Variants in FER1L6 observed in about 807,000 individuals in gnomAD.
The protein encoded by FER1L6 is fer-1 like family member 6.
Under a neutral mutation model 219.2 loss-of-function variants are expected in FER1L6, and 177 were observed. The ratio of observed to expected loss-of-function variants is 0.81; its 90% confidence interval spans 0.71 to 0.91. The LOEUF is 0.91. FER1L6 is among the 40% of genes least tolerant of loss of function. The probability of loss-of-function intolerance (pLI) is 0.00; values close to 1 mark genes in which losing one functional copy is unlikely to be tolerated. For missense variants in FER1L6, 2,153 were observed against 2,259.9 expected (o/e 0.95, Z 0.96); for synonymous variants, 768 against 824.3 (o/e 0.93, Z 1.17).
intron 1 of FER1L6, among the ~76,000 whole-genome samples, chr8:123,927,427 C>A (rs1289761808): frequency 6.6e-6 from 1 of 152,142 alleles, no homozygotes; most frequent in East Asian, 1.9e-4. Flanking sequence ...TCTGTGCTGA[C>A]CCTTTGGGAA....
In FER1L6 at chr8:124,097,871, T is replaced by C. The variant is rs1822376203; in HGVS notation, c.4871T>C (p.Ile1624Thr). ...NIFTGQKSSD[I>T]YVKGWLKGLE... is the part of the protein sequence containing the mutation. ...TTCACAGGCCAAAAATCAAGTGATA[T>C]TTATGTGAAAGGGTAAGGTTATCAA... The change falls in exon 37 of 41, where the codon ATT becomes ACT. Residue 1624 changes from isoleucine (I) to threonine (T), a missense_variant. Coordinates refer to ENST00000522917, the MANE Select transcript of FER1L6 (RefSeq NM_001039112.2). 5 of 1,568,420 alleles carry C rather than the reference T, an allele frequency of 3.2e-6. No individual in the cohort carries two copies. Among genetic ancestry groups the C allele is most frequent in the Non-Finnish European group, 4.4e-6 (5 of 1,138,490 alleles).
rs551744992 is a variant in FER1L6 at position 124,065,067 on chromosome 8, A to G, written c.3555+494A>G. On this transcript the variant is annotated intron_variant, in intron 26 of 40. Transcript: ENST00000522917. ...ATATTTGAGTGAAAAATCTTGGTGT[A>G]TCAATTGAATTAAAAGAGAAGGCCA... Among the ~76,000 whole-genome samples the G allele has an allele frequency of 3.9e-5, 6 of 152,298 alleles. No homozygotes were observed. In the South Asian group the frequency reaches 1.2e-3, roughly 32 times the overall value.
chr8:124,115,217 C>A (rs1823193875), intron 39 of FER1L6, among the ~76,000 whole-genome samples: 1 of 150,978 alleles, frequency 6.6e-6, no homozygotes, highest in Non-Finnish European at 1.5e-5. Context: ...GTCTCTTGAA[C>A]TGTCTATTTT....
chr8:123,874,115 C>T (rs61124376), intron 1 of FER1L6, among the ~76,000 whole-genome samples: 22,300 of 152,186 alleles, frequency 0.15, 1,644 homozygotes, highest in Middle Eastern at 0.19. Context: ...TTGCCTATTC[C>T]CAGACAGCTA....
intron 1 of FER1L6, among the ~76,000 whole-genome samples, chr8:123,949,556 C>T (rs574196781): frequency 1.3e-5 from 2 of 152,310 alleles, no homozygotes; most frequent in East Asian, 3.9e-4. Flanking sequence ...CAAAATACTA[C>T]CTCAATTGCT....
rs748808358 is a variant in FER1L6, at chr8:124,101,155, A to G, written c.4942A>G (p.Thr1648Ala). The change falls in exon 38 of 41, where the codon ACT becomes GCT. Residue 1648 changes from threonine to alanine, a missense_variant. Physicochemically the swap from Thr to Ala is moderately conservative, Grantham distance 58. Transcript: ENST00000522917. ...GACAGATGTGCATTACAACTCCCTG[A>G]CTGGAGAGGGCAACTTCAACTGGCG... ...QETDVHYNSL[T>A]GEGNFNWRFL... is the part of the protein sequence containing the mutation. 3.1e-6 allele frequency: 5 copies of G among 1,613,746 alleles called. No individual in the cohort carries two copies. In the African/African-American group the frequency reaches 6.7e-5, roughly 22 times the overall value.
At chr8:124,050,924 T>A (rs768754383) in intron 22 of FER1L6, among the ~76,000 whole-genome samples, 1 of 152,130 alleles carries the variant, frequency 6.6e-6, no homozygotes, top group Non-Finnish European at 1.5e-5. Context: ...TTCATAACAA[T>A]GTCTATATAG....
chr8:124,026,476 G>A (rs755522856), intron 18 of FER1L6, among the ~76,000 whole-genome samples: 1 of 152,082 alleles, frequency 6.6e-6, no homozygotes, highest in Admixed American at 6.6e-5. Context: ...GTGTTTGTGG[G>A]GCAGTATATA....
At chr8:124,019,841 T>C in intron 16 of FER1L6, among the ~76,000 whole-genome samples, 1 of 152,170 alleles carries the variant, frequency 6.6e-6, no homozygotes, top group East Asian at 1.9e-4. Flanking sequence ...AAGAAGCCAC[T>C]GGGATCAGGA....
chr8:124,105,362 G>A (rs979968961), intron 39 of FER1L6, among the ~76,000 whole-genome samples: 4 of 152,150 alleles, frequency 2.6e-5, no homozygotes, highest in Non-Finnish European at 4.4e-5. Flanking sequence ...CACAGGCCTC[G>A]AGACTATGGT....
chr8:123,966,358 T>G (rs957073730), intron 5 of FER1L6, 68 bp downstream of exon 5: 1 of 1,590,262 alleles, frequency 6.3e-7, no homozygotes, highest in Non-Finnish European at 8.6e-7. Flanking sequence ...GCAGGATCCT[T>G]CAGTCAAACA....
chr8:123,955,246 G>A (rs1360427999), intron 1 of FER1L6, among the ~76,000 whole-genome samples: 1 of 152,170 alleles, frequency 6.6e-6, no homozygotes, highest in African/African-American at 2.4e-5. Context: ...TCCAGCTTGG[G>A]CAACAGAGCA....
chr8:123,920,109 G>A (rs1189997465), intron 1 of FER1L6, among the ~76,000 whole-genome samples: 2 of 152,210 alleles, frequency 1.3e-5, no homozygotes, highest in Admixed American at 6.5e-5. Context: ...TTCTGAGCCT[G>A]GGACACTCTG....
At chr8:124,064,300 C>A in intron 25 of FER1L6, 47 bp from the exon 26 acceptor site, 2 of 1,510,016 alleles carry the variant, frequency 1.3e-6, no homozygotes, top group Non-Finnish European at 1.8e-6. Flanking sequence ...GAAACGACCA[C>A]CCTGTGATGC....
intron 20 of FER1L6, among the ~76,000 whole-genome samples, chr8:124,042,954 A>G (rs1819571274): frequency 6.6e-6 from 1 of 152,172 alleles, no homozygotes; most frequent in Non-Finnish European, 1.5e-5. Context: ...GGGATGAAAG[A>G]GGGAAACAGA....
intron 28 of FER1L6, 108 bp downstream of exon 28, chr8:124,067,914 C>G: frequency 1.2e-6 from 1 of 836,372 alleles, no homozygotes; most frequent in Non-Finnish European, 2.0e-6. Context: ...TCCCTCCTTT[C>G]CCGAGTTTAG....
chr8:124,032,704 T>G (rs1819025365), intron 18 of FER1L6, among the ~76,000 whole-genome samples: 2 of 139,758 alleles, frequency 1.4e-5, no homozygotes, highest in East Asian at 2.4e-4. Flanking sequence ...CTGCACCACG[T>G]CACTCCAGCT....
At position 124,039,888 on chromosome 8, in the gene FER1L6, A is replaced by G. The variant is rs1372583630; in HGVS notation, c.2471A>G (p.His824Arg). The G allele has an allele frequency of 7.4e-6, 12 of 1,614,106 alleles. No homozygotes were observed. Among genetic ancestry groups the G allele is most frequent in the Non-Finnish European group, 9.3e-6 (11 of 1,179,974 alleles). The change falls in exon 20 of 41, where the codon CAT (histidine) becomes CGT (arginine). Residue 824 changes from histidine to arginine, a missense_variant. Coordinates refer to ENST00000522917, the MANE Select transcript of FER1L6 (RefSeq NM_001039112.2). ...PPSNLLYQEQHVFQLRAHMYQ... is the reference protein window; with the variant it reads ...PPSNLLYQEQRVFQLRAHMYQ... ...TTCCATGATTTGTCCACAGAACAGCATGTTTTTCAGCTGAGGGCTCACATG... is the reference window on the plus strand; with the variant it reads ...TTCCATGATTTGTCCACAGAACAGCGTGTTTTTCAGCTGAGGGCTCACATG...
At chr8:124,000,040 G>A (rs979774023) in intron 12 of FER1L6, among the ~76,000 whole-genome samples, 2 of 152,216 alleles carry the variant, frequency 1.3e-5, no homozygotes, top group Non-Finnish European at 2.9e-5. Flanking sequence ...CAGTGGCAAA[G>A]CTTGCTGGAA....
Sources: gnomAD v4.1 joint callset for allele counts (sites outside exome capture counted in the v4.1 genomes callset) on GRCh38, gnomAD v4.1.1 for gene constraint, MANE v1.5 for transcripts, NCBI Gene and HGNC (gene_info 2026-07-23, HGNC 2026-07-21) for gene names.